Variants in PARP4 observed in about 807,000 individuals in gnomAD.
PARP4 encodes the protein poly(ADP-ribose) polymerase family member 4.
A neutral mutation model predicts 187.7 loss-of-function variants in PARP4; 120 were observed. The ratio of observed to expected loss-of-function variants is 0.64; its 90% CI spans 0.55 to 0.74. The LOEUF (loss-of-function observed/expected upper bound fraction) is 0.74. Ranked by LOEUF, PARP4 falls within the 30% of genes least tolerant of loss-of-function variation. The pLI is 0.00. For synonymous variants in PARP4, 654 were observed against 740.9 expected (o/e 0.88, Z 1.90); for missense variants, 1,836 against 2,070.5 (o/e 0.89, Z 2.20).
chr13:24,474,791 G>C (rs1872899927), intron 15 of PARP4, among the ~76,000 whole-genome samples: 1 of 152,082 alleles, frequency 6.6e-6, no homozygotes, highest in African/African-American at 2.4e-5. Flanking sequence ...GTCTGTTCAT[G>C]TCATTCCTCT....
At chr13:24,425,521 GTA>G (rs1176965880) in intron 33 of PARP4, among the ~76,000 whole-genome samples, 2 of 146,144 alleles carry the variant, frequency 1.4e-5, no homozygotes, top group Non-Finnish European at 3.0e-5. Flanking sequence ...ATGTATATGT[GTA>G]TATGTGTATG....
At chr13:24,439,129 AAATT>A (rs1271937516) in intron 30 of PARP4, among the ~76,000 whole-genome samples, 1 of 152,160 alleles carries the variant, frequency 6.6e-6, no homozygotes, top group African/African-American at 2.4e-5. Context: ...ATTAAAACCT[AAATT>A]AATTTAGAAC....
At chr13:24,456,637 G>A (rs1459590483) in intron 20 of PARP4, among the ~76,000 whole-genome samples, 159 bp from the exon 21 acceptor site, 2 of 152,132 alleles carry the variant, frequency 1.3e-5, no homozygotes, top group Non-Finnish European at 2.9e-5. Flanking sequence ...AATGTAGGCC[G>A]GGTGCAGTGG....
In PARP4 at chr13:24,460,148, A is replaced by G. The variant is rs1463739825; in HGVS notation, c.2134-12T>C. On this transcript the variant is annotated splice_polypyrimidine_tract_variant and intron_variant, in intron 17 of 33. Coordinates refer to ENST00000381989, the MANE Select transcript of PARP4 (RefSeq NM_006437.4). ...ACAGTAAAAACGTCCTGAAACAGAA[A>G]CATATGACTTAGCTTCCAACTTGAA... The G allele has an allele frequency of 1.2e-6, 2 of 1,608,062 alleles. No homozygotes were observed. Among genetic ancestry groups the G allele is most frequent in the African/African-American group, 1.3e-5 (1 of 74,642 alleles).
In PARP4 at chr13:24,478,184, T is replaced by C. The variant is rs758405294; in HGVS notation, c.1541A>G (p.His514Arg). 5.0e-6 allele frequency: 8 copies of C among 1,613,964 alleles called. No individual in the cohort carries two copies. The highest frequency in any genetic ancestry group is 5.9e-6 in the Non-Finnish European group (7 of 1,179,874). Residue 514 changes from histidine to arginine, a missense_variant, in exon 13 of 34, where the codon CAT becomes CGT. By Grantham distance (29) the His-to-Arg change is conservative. Coordinates refer to ENST00000381989, the MANE Select transcript of PARP4 (RefSeq NM_006437.4). ...DVALGKCMDL[H>R]EKDFSLTEAP... ...TTCAGTTAAGGAAAAGTCCTTCTCA[T>C]GTAAGTCCATACACTTTCCGAGGGC...
chr13:24,494,591 T>G lies in PARP4; in HGVS notation c.723A>C (p.Ala241=). 1 of 1,608,580 alleles carries G rather than the reference T, an allele frequency of 6.2e-7. No individual in the cohort carries two copies. Among genetic ancestry groups the G allele is most frequent in the Non-Finnish European group, 8.5e-7 (1 of 1,178,316 alleles). ...EHFTPEATQL[A]SEQLQALLLE... is the part of the protein sequence containing the mutation. ...ATCTCACTGCTTGCAATTGTTCAGA[T>G]GCTAATTGGGTTGCTTCAGGTGTGA... is the stretch of plus-strand genomic sequence containing the variant. The change falls in exon 7 of 34, where the codon GCA becomes GCC. Residue 241 remains alanine (A), a synonymous_variant. Transcript: ENST00000381989.
chr13:24,486,102 A>AT (rs1873536297), intron 11 of PARP4, 66 bp downstream of exon 11: 7 of 1,446,610 alleles, frequency 4.8e-6, no homozygotes, highest in Non-Finnish European at 6.6e-6. Flanking sequence ...AGTAGGAAAA[A>AT]AAGAAGTAAA....
chr13:24,468,835 G>A (rs4770693), intron 17 of PARP4, among the ~76,000 whole-genome samples, 189 bp downstream of exon 17: 77,109 of 151,742 alleles, frequency 0.51, 19,870 homozygotes, highest in South Asian at 0.65. Flanking sequence ...AACTACTGAT[G>A]CTGTTTCCTC....
chr13:24,446,547 C>T (rs377178292), intron 27 of PARP4, 134 bp downstream of exon 27: 14 of 613,894 alleles, frequency 2.3e-5, no homozygotes, highest in East Asian at 1.3e-4. Flanking sequence ...AGAAAGTTTA[C>T]GAATTTGTAT....
At chr13:24,506,139 G>T (rs955004666) in intron 1 of PARP4, among the ~76,000 whole-genome samples, 2 of 152,094 alleles carry the variant, frequency 1.3e-5, no homozygotes, top group Non-Finnish European at 2.9e-5. Context: ...CGGCGCGTCC[G>T]AAGTTTGTTC....
intron 22 of PARP4, among the ~76,000 whole-genome samples, chr13:24,453,909 G>A (rs1871671128): frequency 6.6e-6 from 1 of 152,130 alleles, no homozygotes; most frequent in Non-Finnish European, 1.5e-5. Flanking sequence ...GAGGTCAGGA[G>A]TTCAAGACCA....
At chr13:24,427,998 CAGA>C (rs755060152) in intron 32 of PARP4, among the ~76,000 whole-genome samples, 190 of 151,960 alleles carry the variant, frequency 1.3e-3, no homozygotes, top group South Asian at 2.7e-3. Context: ...AAAACAAATT[CAGA>C]AGGAGAGGGG....
At position 24,506,359 on chromosome 13, in the gene PARP4, G is replaced by A. The variant is rs1339313881; in HGVS notation, c.-1-2582C>T. 4.6e-5 allele frequency among the ~76,000 whole-genome samples: 7 copies of A among 152,262 alleles called. No individual in the cohort carries two copies. The East Asian group carries it at 1.4e-3, about 29-fold the overall frequency. The stretch of plus-strand genomic sequence containing the variant: ...ACAGTGAGCAGCAACAAAATTTACT[G>A]CAAGGAGTGAAAAACAAAGCTTCCA... On this transcript the variant is annotated intron_variant, in intron 1 of 33. Transcript: ENST00000381989.
intron 11 of PARP4, 133 bp downstream of exon 11, chr13:24,486,035 C>A: frequency 2.8e-6 from 2 of 713,500 alleles, no homozygotes; most frequent in Non-Finnish European, 4.6e-6. Flanking sequence ...GTAATTTTCT[C>A]CAGAATGCAG....
chr13:24,494,879 C>CTTTTTTTTT lies in PARP4; in HGVS notation c.592-166_592-158dup, dbSNP rs139965809. Among the ~76,000 whole-genome samples, 1,274 of 146,554 alleles carry CTTTTTTTTT rather than the reference C, an allele frequency of 8.7e-3. 22 individuals carry two copies. The highest frequency in any genetic ancestry group is 0.029 in the African/African-American group (1,167 of 39,754). ...TTTAAATTCTTTTTCTTTTCTTTTT[C>CTTTTTTTTT]TTTTTTTTTTGAGACAGGGTCTTGC... is the stretch of plus-strand genomic sequence containing the variant. On this transcript the variant is annotated intron_variant, in intron 6 of 33. Transcript: ENST00000381989.
intron 15 of PARP4, among the ~76,000 whole-genome samples, chr13:24,471,269 T>C (rs910338958): frequency 5.3e-5 from 8 of 152,350 alleles, no homozygotes; most frequent in Admixed American, 4.6e-4. Flanking sequence ...GTACTTGGTG[T>C]AGACTAATGT....
chr13:24,475,672 C>A (rs56074684), intron 14 of PARP4, 76 bp from the exon 15 acceptor site: 140,479 of 1,373,038 alleles, frequency 0.1, 8,208 homozygotes, highest in Non-Finnish European at 0.12. Context: ...TTTATTCCTT[C>A]TTCAAGCCTT....
rs200183289 is a variant in PARP4, at chr13:24,443,708, C to T, written c.3389G>A (p.Arg1130Gln). ...ATCTTCATAATCTCTGATTAGAGCT[C>T]GGGCTGCCAGCTTGTGGATCATCTG... is the stretch of plus-strand genomic sequence containing the variant. ...TGTMIHKLAA[R>Q]ALIRDYEDGI... Residue 1130 changes from arginine (R) to glutamine (Q), a missense_variant, in exon 28 of 34, where the codon CGA becomes CAA. Physicochemically the swap from Arg to Gln is conservative, Grantham distance 43. This residue lies in a region of PARP4 where 56 missense variants were observed against 56.6 expected (regional missense o/e 0.99). Coordinates refer to ENST00000381989, the MANE Select transcript of PARP4 (RefSeq NM_006437.4). 6.8e-5 allele frequency: 109 copies of T among 1,613,566 alleles called. No homozygotes were observed. The highest frequency in any genetic ancestry group is 8.1e-5 in the Non-Finnish European group (96 of 1,179,560).
In PARP4 at chr13:24,470,033, A is replaced by C; in HGVS notation, c.1915-8T>G. 1 of 1,610,442 alleles carries C rather than the reference A, an allele frequency of 6.2e-7. No individual in the cohort carries two copies. Among genetic ancestry groups the C allele is most frequent in the East Asian group, 2.2e-5 (1 of 44,856 alleles). ...TGTCTGAAAAACAATGACCTGAAGAAGAAAAAAAATCCATACAATTGATGA... is the reference window on the plus strand; with the variant it reads ...TGTCTGAAAAACAATGACCTGAAGACGAAAAAAAATCCATACAATTGATGA... On this transcript the variant is annotated splice_region_variant and splice_polypyrimidine_tract_variant and intron_variant, in intron 15 of 33. Coordinates refer to ENST00000381989, the MANE Select transcript of PARP4 (RefSeq NM_006437.4).
Sources: gnomAD v4.1 joint callset for allele counts (sites outside exome capture counted in the v4.1 genomes callset) on GRCh38, gnomAD v4.1.1 for gene constraint, gnomAD v4.1.1 regional missense constraint, MANE v1.5 for transcripts, NCBI Gene and HGNC (gene_info 2026-07-23, HGNC 2026-07-21) for gene names.